GFRAL: variants seen among roughly 807,000 people sequenced by gnomAD.
GFRAL encodes the protein GDNF family receptor alpha like.
In GFRAL, 36 loss-of-function variants were observed where a neutral mutation model predicts 45.4. The observed-to-expected ratio is 0.79, with a 90% CI of 0.61 to 1.05. The LOEUF (loss-of-function observed/expected upper bound fraction) is 1.05. GFRAL is among the 50% of genes least tolerant of loss of function. The pLI, the probability that GFRAL is intolerant of heterozygous loss-of-function variation, is 0.00. For synonymous variants in GFRAL, 166 were observed against 154.1 expected, an observed-to-expected ratio of 1.08 and a Z score of -0.57; for missense variants, 507 against 467.5, an observed-to-expected ratio of 1.08 and a Z score of -0.78.
At position 55,359,059 on chromosome 6, in the gene GFRAL, T is replaced by C; in HGVS notation, c.873T>C (p.Cys291=). The change falls in exon 6 of 9, where the codon TGT becomes TGC. Residue 291 remains cysteine, a synonymous_variant. Coordinates refer to ENST00000340465, the MANE Select transcript of GFRAL (RefSeq NM_207410.2). Reference sequence around the variant, plus strand: ...TTGGGACGGTCCTTCAAGTGCAATGTACCTGTAGGACCATTACACAAAGTG... The same window carrying C: ...TTGGGACGGTCCTTCAAGTGCAATGCACCTGTAGGACCATTACACAAAGTG... ...DILGTVLQVQ[C]TCRTITQSEE... The C allele has an allele frequency of 6.2e-7, 1 of 1,611,446 alleles. No homozygotes were observed. The highest frequency in any genetic ancestry group is 8.5e-7 in the Non-Finnish European group (1 of 1,177,914).
At chr6:55,342,417 C>T (rs939296286) in intron 3 of GFRAL, among the ~76,000 whole-genome samples, 1 of 152,048 alleles carries the variant, frequency 6.6e-6, no homozygotes, top group South Asian at 2.1e-4. Flanking sequence ...TCATATCCAG[C>T]CAAACTAAGC....
chr6:55,351,342 G>T lies in GFRAL; in HGVS notation c.460G>T (p.Ala154Ser). Residue 154 changes from alanine (A) to serine (S), a missense_variant, in exon 5 of 9, where the codon GCT becomes TCT. Coordinates refer to ENST00000340465, the MANE Select transcript of GFRAL (RefSeq NM_207410.2). ...TGCACAGTTGGCCTCTTACCTTAAA[G>T]CTTGCTCAGCAAATGGAAATCCGTG... Reference protein sequence around the residue: ...CNAQLASYLKACSANGNPCDL... With the variant: ...CNAQLASYLKSCSANGNPCDL... 6.2e-7 allele frequency: 1 copy of T among 1,613,652 alleles called. No homozygotes were observed. Among genetic ancestry groups the T allele is most frequent in the Non-Finnish European group, 8.5e-7 (1 of 1,179,740 alleles).
intron 6 of GFRAL, among the ~76,000 whole-genome samples, chr6:55,377,099 A>G (rs1348134484): frequency 2.6e-5 from 4 of 152,028 alleles, no homozygotes; most frequent in Non-Finnish European, 5.9e-5. Flanking sequence ...AAACCACCAC[A>G]TGTAGTGCTA....
At chr6:55,328,521 G>T (rs552252712) in intron 1 of GFRAL, among the ~76,000 whole-genome samples, 14 of 151,702 alleles carry the variant, frequency 9.2e-5, no homozygotes, top group African/African-American at 3.1e-4. Context: ...TTTTTCTTTT[G>T]TTTAAGTAAT....
intron 3 of GFRAL, among the ~76,000 whole-genome samples, chr6:55,349,889 T>C (rs919686633): frequency 1.3e-5 from 2 of 152,086 alleles, no homozygotes; most frequent in Non-Finnish European, 2.9e-5. Flanking sequence ...ATAGCTCACT[T>C]GAATGATATT....
At chr6:55,394,133 T>A (rs534066323) in intron 6 of GFRAL, among the ~76,000 whole-genome samples, 133 of 152,230 alleles carry the variant, frequency 8.7e-4, no homozygotes, top group African/African-American at 3.0e-3. Flanking sequence ...GATGGGCCAT[T>A]TCATTTACTG....
chr6:55,383,853 A>G (rs532972086), intron 6 of GFRAL, among the ~76,000 whole-genome samples: 4 of 152,130 alleles, frequency 2.6e-5, no homozygotes, highest in Admixed American at 6.6e-5. Context: ...ACCACACTCC[A>G]TGAAACACTG....
intron 3 of GFRAL, among the ~76,000 whole-genome samples, chr6:55,340,723 G>A (rs1767952090): frequency 6.6e-6 from 1 of 152,136 alleles, no homozygotes; most frequent in Non-Finnish European, 1.5e-5. Flanking sequence ...AGCAGGGTGA[G>A]GCATTGCCTC....
intron 5 of GFRAL, among the ~76,000 whole-genome samples, chr6:55,352,191 G>T (rs976206451): frequency 6.6e-6 from 1 of 152,002 alleles, no homozygotes; most frequent in Non-Finnish European, 1.5e-5. Flanking sequence ...CATTCACTTT[G>T]TTTTCAGAGC....
At chr6:55,377,930 C>G (rs999520819) in intron 6 of GFRAL, among the ~76,000 whole-genome samples, 2 of 152,018 alleles carry the variant, frequency 1.3e-5, no homozygotes, top group Admixed American at 6.6e-5. Context: ...GAGTTGTTTT[C>G]TAATTCAGGT....
chr6:55,390,935 A>ACACACACAC (rs764218405), intron 6 of GFRAL, among the ~76,000 whole-genome samples: 314 of 81,136 alleles, frequency 3.9e-3, no homozygotes, highest in Non-Finnish European at 6.7e-3. Context: ...CACACACACA[A>ACACACACAC]GTAGTGGTCT....
intron 3 of GFRAL, among the ~76,000 whole-genome samples, chr6:55,340,952 G>T (rs899860107): frequency 6.6e-6 from 1 of 152,196 alleles, no homozygotes; most frequent in Non-Finnish European, 1.5e-5. Flanking sequence ...AGATCAAACT[G>T]CAAGGCAGCA....
chr6:55,359,653 A>G (rs535260243), intron 6 of GFRAL, among the ~76,000 whole-genome samples: 2 of 152,086 alleles, frequency 1.3e-5, no homozygotes, highest in South Asian at 2.1e-4. Context: ...TGGTATTAGC[A>G]GACACCATTT....
chr6:55,341,834 T>G (rs1767970237), intron 3 of GFRAL, among the ~76,000 whole-genome samples: 1 of 152,148 alleles, frequency 6.6e-6, no homozygotes, highest in Non-Finnish European at 1.5e-5. Flanking sequence ...TTAAATGAGC[T>G]GATGGAGCTG....
At chr6:55,387,783 A>G (rs559284315) in intron 6 of GFRAL, among the ~76,000 whole-genome samples, 2 of 152,332 alleles carry the variant, frequency 1.3e-5, no homozygotes, top group South Asian at 2.1e-4. Flanking sequence ...GCAAACATCA[A>G]TAAATATCTC....
At chr6:55,367,435 A>C (rs1019724226) in intron 6 of GFRAL, among the ~76,000 whole-genome samples, 2 of 144,870 alleles carry the variant, frequency 1.4e-5, no homozygotes, top group Non-Finnish European at 1.5e-5. Context: ...CATTTAGTCC[A>C]TTTACATTTA....
At chr6:55,341,476 G>A (rs893452741) in intron 3 of GFRAL, among the ~76,000 whole-genome samples, 1 of 152,148 alleles carries the variant, frequency 6.6e-6, no homozygotes, top group African/African-American at 2.4e-5. Flanking sequence ...ACTGTTAGAA[G>A]GAAAACTAAC....
intron 6 of GFRAL, among the ~76,000 whole-genome samples, chr6:55,374,870 TA>T (rs1414200051): frequency 6.6e-6 from 1 of 152,156 alleles, no homozygotes; most frequent in Non-Finnish European, 1.5e-5. Flanking sequence ...CATCATTTAT[TA>T]AATAGGGATT....
At chr6:55,387,326 A>G (rs1223390122) in intron 6 of GFRAL, among the ~76,000 whole-genome samples, 2 of 152,166 alleles carry the variant, frequency 1.3e-5, no homozygotes, top group East Asian at 1.9e-4. Flanking sequence ...CTTGTTGCCT[A>G]TAATTGGGGA....
Sources: allele counts gnomAD v4.1 joint callset (sites outside exome capture counted in the v4.1 genomes callset), GRCh38; gene constraint gnomAD v4.1.1; transcripts MANE v1.5; gene names NCBI Gene and HGNC (gene_info 2026-07-23, HGNC 2026-07-21).